DBI: variants seen among roughly 807,000 people sequenced by gnomAD.
DBI encodes acyl-CoA-binding protein.
A neutral mutation model predicts 13.0 loss-of-function variants in DBI; 12 were observed. The ratio of observed to expected loss-of-function variants is 0.92; its 90% CI spans 0.59 to 1.49. The LOEUF is 1.49. DBI is among the 40% of genes most tolerant of loss of function. The pLI is 0.00. For missense variants in DBI, 95 were observed against 104.8 expected (o/e 0.91, Z 0.41); for synonymous variants, 37 against 37.4 (o/e 0.99, Z 0.04).
chr2:119,368,631 T>A (rs1681270418), intron 2 of DBI: 1 of 246,998 alleles, frequency 4.0e-6, no homozygotes, highest in Admixed American at 4.7e-5. Context: ...CCGTTCAGCT[T>A]CTGCCCTAGA....
chr2:119,367,680 G>T, intron 1 of DBI: 1 of 1,612,864 alleles, frequency 6.2e-7, no homozygotes, highest in South Asian at 1.1e-5. Flanking sequence ...GGGGGAGGGA[G>T]GGGACCAACG....
intron 2 of DBI, 141 bp downstream of exon 2, chr2:119,368,446 G>A (rs1223171011): frequency 5.9e-6 from 4 of 674,002 alleles, no homozygotes; most frequent in Non-Finnish European, 1.1e-5. Context: ...TCCTGAGGTG[G>A]AAAAGACCAT....
In DBI at chr2:119,372,227, C is replaced by A; in HGVS notation, c.191-18C>A. 2 of 1,603,596 alleles carry A rather than the reference C, an allele frequency of 1.2e-6. No individual in the cohort carries two copies. The highest frequency in any genetic ancestry group is 1.7e-6 in the Non-Finnish European group (2 of 1,170,706). On this transcript the variant is annotated intron_variant, in intron 3 of 3. Transcript: ENST00000355857. ...CCATGCTACCTCCCTGACACATAATCCTGTCGATTCCTTACAGGGACTTCC... is the reference window on the plus strand; with the variant it reads ...CCATGCTACCTCCCTGACACATAATACTGTCGATTCCTTACAGGGACTTCC...
At chr2:119,367,631 G>T (rs778303835) in intron 1 of DBI, 1 of 1,614,058 alleles carries the variant, frequency 6.2e-7, no homozygotes, top group Non-Finnish European at 8.5e-7. Context: ...GCCAATCCGG[G>T]CACTGGGACA....
chr2:119,369,735 G>C (rs139173222), intron 2 of DBI, among the ~76,000 whole-genome samples: 1 of 152,052 alleles, frequency 6.6e-6, no homozygotes. Context: ...GTGGTGAGCC[G>C]AGGTCGCACC....
chr2:119,372,343 A>G lies in DBI; in HGVS notation c.*25A>G, dbSNP rs1371792442. On this transcript the variant is annotated 3_prime_UTR_variant, in exon 4 of 4. Coordinates refer to ENST00000355857, the MANE Select transcript of DBI (RefSeq NM_001079862.4). Reference sequence around the variant, plus strand: ...AGAGACTGGATTTGGTTACTGTGCCATGTGTTTATCCTAAACTGAGACAAT... The same window carrying G: ...AGAGACTGGATTTGGTTACTGTGCCGTGTGTTTATCCTAAACTGAGACAAT... 1 of 1,561,358 alleles carries G rather than the reference A, an allele frequency of 6.4e-7. No individual in the cohort carries two copies. The highest frequency in any genetic ancestry group is 1.7e-5 in the Admixed American group (1 of 59,930).
Position 119,372,478 on chromosome 2 carries a change from C to G in DBI, c.*160C>G, listed in dbSNP as rs8192508. 5.6e-6 allele frequency: 3 copies of G among 532,700 alleles called. No homozygotes were observed. Among genetic ancestry groups the G allele is most frequent in the South Asian group, 5.0e-5 (2 of 40,058 alleles). The allele number at this position is 532,700 out of a possible 1,614,324, so 33.0% of individuals were successfully genotyped here. The stretch of plus-strand genomic sequence containing the variant: ...GGCTCTAACAGATTAGGGGCTAAAA[C>G]GATTACTGACTTTCCTTGAGTAGTT... On this transcript the variant is annotated 3_prime_UTR_variant, in exon 4 of 4. Coordinates refer to ENST00000355857, the MANE Select transcript of DBI (RefSeq NM_001079862.4).
In DBI at chr2:119,367,098, G is replaced by C. The variant is rs751262034; in HGVS notation, c.9+38G>C. 4.3e-6 allele frequency: 7 copies of C among 1,612,872 alleles called. No homozygotes were observed. In the East Asian group the frequency reaches 1.3e-4, roughly 31 times the overall value. Reference sequence around the variant, plus strand: ...CACAGCCAGGCTGCGAAGGTGCAGCGGGCGGGAGGCCCGTTGGGGGCTCAG... The same window carrying C: ...CACAGCCAGGCTGCGAAGGTGCAGCCGGCGGGAGGCCCGTTGGGGGCTCAG... On this transcript the variant is annotated intron_variant, in intron 1 of 3. Transcript: ENST00000355857.
At chr2:119,367,391 C>G in intron 1 of DBI, 1 of 1,472,140 alleles carries the variant, frequency 6.8e-7, no homozygotes, top group Non-Finnish European at 9.0e-7. Flanking sequence ...AGACTCAGTC[C>G]CCATCCCGAA....
At chr2:119,371,442 C>G (rs958062053) in intron 3 of DBI, among the ~76,000 whole-genome samples, 5 of 152,124 alleles carry the variant, frequency 3.3e-5, no homozygotes, top group African/African-American at 1.2e-4. Context: ...ATGAGAAACC[C>G]TTGAATTCAG....
At chr2:119,367,261 C>G (rs1681077185) in intron 1 of DBI, 1 of 1,436,444 alleles carries the variant, frequency 7.0e-7, no homozygotes. Flanking sequence ...GCTGCCCACC[C>G]CGCAACTGCC....
intron 1 of DBI, chr2:119,367,925 T>C (rs1242665900): frequency 6.2e-7 from 1 of 1,614,086 alleles, no homozygotes; most frequent in Non-Finnish European, 8.5e-7. Flanking sequence ...ACCTGATGCC[T>C]GCGTTTGTGA....
chr2:119,367,086 C>A (rs1285273774), intron 1 of DBI, 26 bp downstream of exon 1: 3 of 1,613,560 alleles, frequency 1.9e-6, no homozygotes, highest in Non-Finnish European at 2.5e-6. Flanking sequence ...AGCCAGGCTG[C>A]GAAGGTGCAG....
intron 3 of DBI, among the ~76,000 whole-genome samples, chr2:119,371,096 T>A (rs1573728419): frequency 6.6e-6 from 1 of 152,176 alleles, no homozygotes; most frequent in African/African-American, 2.4e-5. Flanking sequence ...AGGCTTTGGA[T>A]GTGTTCAGAA....
In DBI at chr2:119,368,182, A is replaced by T. The variant is rs1681212333; in HGVS notation, c.10-6A>T. 6.2e-7 allele frequency: 1 copy of T among 1,612,100 alleles called. No homozygotes were observed. The highest frequency in any genetic ancestry group is 1.3e-5 in the African/African-American group (1 of 74,834). On this transcript the variant is annotated splice_polypyrimidine_tract_variant and splice_region_variant and intron_variant, in intron 1 of 3. Transcript: ENST00000355857. ...CCCTCAATCCTCTCCTCTCCCTTCCATTTAGGCTGAGTTTGAGAAAGCTGC... is the reference window on the plus strand; with the variant it reads ...CCCTCAATCCTCTCCTCTCCCTTCCTTTTAGGCTGAGTTTGAGAAAGCTGC...
intron 2 of DBI, among the ~76,000 whole-genome samples, chr2:119,369,070 C>T (rs1392184878): frequency 6.6e-6 from 1 of 152,204 alleles, no homozygotes; most frequent in East Asian, 1.9e-4. Context: ...GGCTGCCAAC[C>T]AGCTGGAAGC....
chr2:119,372,359 C>T lies in DBI; in HGVS notation c.*41C>T. 6.9e-7 allele frequency: 1 copy of T among 1,459,554 alleles called. No homozygotes were observed. Among genetic ancestry groups the T allele is most frequent in the Non-Finnish European group, 9.6e-7 (1 of 1,039,840 alleles). The allele number at this position is 1,459,554 out of a possible 1,614,324, so 90.4% of individuals were successfully genotyped here. A position where few individuals can be genotyped will look rare whatever the true frequency, so the allele number is the denominator to read the frequency against. ...TACTGTGCCATGTGTTTATCCTAAA[C>T]TGAGACAATGCCTTGTTTTTTTCTA... On this transcript the variant is annotated 3_prime_UTR_variant, in exon 4 of 4. Transcript: ENST00000355857.
rs760114471 is a variant in DBI at position 119,367,067 on chromosome 2, C to T, written c.9+7C>T. The T allele has an allele frequency of 1.9e-6, 3 of 1,614,014 alleles. No individual in the cohort carries two copies. The highest frequency in any genetic ancestry group is 3.3e-5 in the Admixed American group (2 of 60,006). ...GTCGGCCAGGATGTCTCAGGTACAG[C>T]GCGTGCACAGCCAGGCTGCGAAGGT... On this transcript the variant is annotated splice_region_variant and intron_variant, in intron 1 of 3. Transcript: ENST00000355857.
chr2:119,367,681 G>C (rs1449825004), intron 1 of DBI: 1 of 1,612,840 alleles, frequency 6.2e-7, no homozygotes, highest in East Asian at 2.2e-5. Flanking sequence ...GGGGAGGGAG[G>C]GGACCAACGG....
Sources: gnomAD v4.1 joint callset for allele counts (sites outside exome capture counted in the v4.1 genomes callset) on GRCh38, gnomAD v4.1.1 for gene constraint, MANE v1.5 for transcripts, NCBI Gene and HGNC (gene_info 2026-07-23, HGNC 2026-07-21) for gene names.